HS3ST4: variants seen among roughly 807,000 people sequenced by gnomAD.
HS3ST4 encodes the protein heparan sulfate glucosamine 3-O-sulfotransferase 4.
In HS3ST4, 17 loss-of-function variants were observed where a neutral mutation model predicts 29.2. The ratio of observed to expected loss-of-function variants is 0.58; its 90% CI spans 0.40 to 0.87. The LOEUF (loss-of-function observed/expected upper bound fraction) is 0.87, where lower values mean the gene tolerates loss of function less well. HS3ST4 is among the 40% of genes least tolerant of loss of function. The pLI, the probability that HS3ST4 is intolerant of heterozygous loss-of-function variation, is 0.00. For missense variants in HS3ST4, 627 were observed against 634.5 expected (o/e 0.99, Z 0.13); for synonymous variants, 314 against 285.7 (o/e 1.10, Z -1.00).
rs553538424 is a variant in HS3ST4, at chr16:26,113,202, A to G, written c.735-22410A>G. On this transcript the variant is annotated intron_variant, in intron 1 of 1. Coordinates refer to ENST00000331351, the MANE Select transcript of HS3ST4 (RefSeq NM_006040.3). ...CATTATGCCATTTTTCAAATAAAAA[A>G]GATTAAACAATATGTTGAGAAATAC... 7.2e-5 allele frequency among the ~76,000 whole-genome samples: 11 copies of G among 152,306 alleles called. 1 individual carries two copies. In the South Asian group the frequency reaches 2.3e-3, roughly 32 times the overall value.
chr16:25,885,884 T>G (rs909850440), intron 1 of HS3ST4, among the ~76,000 whole-genome samples: 3 of 152,032 alleles, frequency 2.0e-5, no homozygotes, highest in Non-Finnish European at 2.9e-5. Context: ...AAAAGTATTA[T>G]ACTTTCTTTT....
chr16:26,056,680 T>C (rs146694458), intron 1 of HS3ST4, among the ~76,000 whole-genome samples: 8 of 152,266 alleles, frequency 5.3e-5, no homozygotes, highest in African/African-American at 1.9e-4. Context: ...ACTGCCCTGC[T>C]CCCAACCTCC....
At chr16:26,115,258 C>CAT (rs138181459) in intron 1 of HS3ST4, among the ~76,000 whole-genome samples, 2 of 137,674 alleles carry the variant, frequency 1.5e-5, no homozygotes, top group Admixed American at 7.0e-5. Flanking sequence ...TATATATATA[C>CAT]ATATATATAC....
At chr16:25,953,225 G>A (rs550434855) in intron 1 of HS3ST4, among the ~76,000 whole-genome samples, 1 of 152,272 alleles carries the variant, frequency 6.6e-6, no homozygotes, top group Admixed American at 6.5e-5. Flanking sequence ...ACCAAGGTGT[G>A]ATGGCTTCAG....
At chr16:26,092,818 G>A (rs575099904) in intron 1 of HS3ST4, among the ~76,000 whole-genome samples, 80 of 152,246 alleles carry the variant, frequency 5.3e-4, no homozygotes, top group Middle Eastern at 3.4e-3. Flanking sequence ...AAGGGGTCGG[G>A]GAATTTCCCT....
At chr16:25,781,518 A>T (rs1441354930) in intron 1 of HS3ST4, among the ~76,000 whole-genome samples, 1 of 152,158 alleles carries the variant, frequency 6.6e-6, no homozygotes, top group Non-Finnish European at 1.5e-5. Flanking sequence ...TCTCTCACAC[A>T]CATAACTCAC....
chr16:25,762,102 G>A (rs184982729), intron 1 of HS3ST4, among the ~76,000 whole-genome samples: 251 of 152,286 alleles, frequency 1.6e-3, no homozygotes, highest in Admixed American at 4.6e-3. Flanking sequence ...AGAAGAGGAG[G>A]ATCCATGAAG....
intron 1 of HS3ST4, among the ~76,000 whole-genome samples, chr16:25,779,290 G>T (rs940071835): frequency 1.3e-5 from 2 of 152,186 alleles, no homozygotes; most frequent in African/African-American, 2.4e-5. Context: ...GCTAAACAGC[G>T]AATGGAAGTC....
chr16:25,995,739 A>G (rs60607434), intron 1 of HS3ST4, among the ~76,000 whole-genome samples: 9,156 of 152,288 alleles, frequency 0.06, 327 homozygotes, highest in African/African-American at 0.11. Context: ...TGAGGAAGTT[A>G]TTTAGCCTTG....
intron 1 of HS3ST4, among the ~76,000 whole-genome samples, chr16:25,971,933 A>C (rs1056969357): frequency 6.6e-6 from 1 of 152,148 alleles, no homozygotes; most frequent in Admixed American, 6.5e-5. Flanking sequence ...TCCATCTCAA[A>C]AAAGAAAGAA....
At chr16:25,797,710 A>G (rs1315565882) in intron 1 of HS3ST4, among the ~76,000 whole-genome samples, 1 of 152,232 alleles carries the variant, frequency 6.6e-6, no homozygotes, top group Admixed American at 6.5e-5. Flanking sequence ...CAAAGCAGGT[A>G]CTTGCACTTT....
intron 1 of HS3ST4, among the ~76,000 whole-genome samples, chr16:25,996,938 T>C (rs1333690984): frequency 1.3e-5 from 2 of 152,172 alleles, no homozygotes; most frequent in Non-Finnish European, 2.9e-5. Context: ...ATAGGTTTCT[T>C]TATATAAGTC....
intron 1 of HS3ST4, among the ~76,000 whole-genome samples, chr16:26,120,061 G>GTGTGTGTA (rs1555485123): frequency 2.6e-5 from 2 of 77,126 alleles, no homozygotes; most frequent in African/African-American, 4.8e-5. Context: ...AAGTGTGTGT[G>GTGTGTGTA]TGTGTGTGTA....
At chr16:25,942,188 G>T (rs2141692772) in intron 1 of HS3ST4, among the ~76,000 whole-genome samples, 1 of 152,244 alleles carries the variant, frequency 6.6e-6, no homozygotes, top group South Asian at 2.1e-4. Flanking sequence ...CATGTTGTAG[G>T]TCCTGGTGCC....
At chr16:25,702,242 A>G (rs1011044269) in intron 1 of HS3ST4, among the ~76,000 whole-genome samples, 4 of 152,224 alleles carry the variant, frequency 2.6e-5, no homozygotes, top group Admixed American at 1.3e-4. Flanking sequence ...CAATCCTCCT[A>G]TGAATCTATT....
intron 1 of HS3ST4, among the ~76,000 whole-genome samples, chr16:25,786,588 ATCT>A (rs777310492): frequency 1.5e-4 from 23 of 152,288 alleles, no homozygotes; most frequent in South Asian, 4.2e-4. Context: ...TCCCAATGAA[ATCT>A]TCTTCTTGAC....
intron 1 of HS3ST4, among the ~76,000 whole-genome samples, chr16:25,705,403 C>T (rs112352498): frequency 2.6e-5 from 4 of 152,104 alleles, no homozygotes; most frequent in Admixed American, 6.5e-5. Flanking sequence ...CGGTGGCTCA[C>T]GCCTGTAATC....
chr16:25,826,734 G>A lies in HS3ST4; in HGVS notation c.734+133583G>A, dbSNP rs142355663. On this transcript the variant is annotated intron_variant, in intron 1 of 1. Coordinates refer to ENST00000331351, the MANE Select transcript of HS3ST4 (RefSeq NM_006040.3). ...AAGCAGTTGAATCGTCAAGTTGGAGGGATAGGAGCCTGTGGCTGAAGGGAG... is the reference window on the plus strand; with the variant it reads ...AAGCAGTTGAATCGTCAAGTTGGAGAGATAGGAGCCTGTGGCTGAAGGGAG... Among the ~76,000 whole-genome samples, 259 of 152,258 alleles carry A rather than the reference G, an allele frequency of 1.7e-3. 4 individuals carry two copies. The East Asian group carries it at 0.039, about 23-fold the overall frequency.
At chr16:25,694,339 G>A (rs865773828) in intron 1 of HS3ST4, among the ~76,000 whole-genome samples, 1 of 152,166 alleles carries the variant, frequency 6.6e-6, no homozygotes, top group Non-Finnish European at 1.5e-5. Flanking sequence ...CATAATAAAT[G>A]TGTGCATTAT....
Sources: allele counts gnomAD v4.1 joint callset (sites outside exome capture counted in the v4.1 genomes callset), GRCh38; gene constraint gnomAD v4.1.1; transcripts MANE v1.5; gene names NCBI Gene and HGNC (gene_info 2026-07-23, HGNC 2026-07-21).